The following TCF20 variants were observed in gnomAD, a reference collection of about 807,000 sequenced individuals.
TCF20 encodes the protein SPRE-binding protein.
In TCF20, 3 loss-of-function variants were observed where a neutral mutation model predicts 148.6. That is an observed-to-expected ratio of 0.02 (90% CI 0.01 to 0.05). The LOEUF (loss-of-function observed/expected upper bound fraction) is 0.05. TCF20 is among the 10% of genes least tolerant of loss of function. TCF20 has a pLI of 1.00. For missense variants in TCF20, 2,350 were observed against 2,429.3 expected, an observed-to-expected ratio of 0.97 and a Z score of 0.69; for synonymous variants, 1,049 against 909.5, an observed-to-expected ratio of 1.15 and a Z score of -2.76.
chr22:42,229,660 C>T (rs1923222322), intron 1 of TCF20, among the ~76,000 whole-genome samples: 1 of 152,180 alleles, frequency 6.6e-6, no homozygotes, highest in South Asian at 2.1e-4. Context: ...CCCACCACTC[C>T]ACACAGACCA....
chr22:42,321,669 G>A (rs2147049954), intron 1 of TCF20, among the ~76,000 whole-genome samples: 1 of 151,954 alleles, frequency 6.6e-6, no homozygotes, highest in East Asian at 1.9e-4. Flanking sequence ...GGACCAGGCT[G>A]GGCGCGGTGA....
intron 1 of TCF20, among the ~76,000 whole-genome samples, chr22:42,283,762 G>T (rs1314013432): frequency 6.6e-6 from 1 of 151,714 alleles, no homozygotes; most frequent in Non-Finnish European, 1.5e-5. Flanking sequence ...AGCACCCGGC[G>T]GGCACGCCTC....
chr22:42,203,534 G>A (rs1001796633), intron 2 of TCF20, among the ~76,000 whole-genome samples: 3 of 152,152 alleles, frequency 2.0e-5, no homozygotes, highest in Admixed American at 2.0e-4. Flanking sequence ...ACGAAATCCT[G>A]AAAGAAAATG....
intron 1 of TCF20, among the ~76,000 whole-genome samples, chr22:42,302,458 C>T (rs927696518): frequency 1.3e-5 from 2 of 152,210 alleles, no homozygotes; most frequent in Non-Finnish European, 2.9e-5. Context: ...CCACCCCACC[C>T]ACTGGCCTCC....
At chr22:42,173,161 G>A (rs562349093) in intron 3 of TCF20, among the ~76,000 whole-genome samples, 10 of 149,622 alleles carry the variant, frequency 6.7e-5, no homozygotes, top group Admixed American at 2.7e-4. Flanking sequence ...GGTTCTTTAC[G>A]CACAGTGGAA....
intron 3 of TCF20, among the ~76,000 whole-genome samples, chr22:42,173,439 G>A (rs534472596): frequency 5.9e-5 from 9 of 152,182 alleles, no homozygotes; most frequent in Admixed American, 4.6e-4. Flanking sequence ...CTATGGAGAT[G>A]TCCCAGTAAT....
intron 3 of TCF20, among the ~76,000 whole-genome samples, chr22:42,172,114 T>C (rs999688576): frequency 2.0e-5 from 3 of 152,248 alleles, no homozygotes; most frequent in African/African-American, 7.2e-5. Flanking sequence ...CCTGAGGCAG[T>C]GTCCATCTCT....
chr22:42,220,426 G>A (rs960422968), intron 1 of TCF20, among the ~76,000 whole-genome samples: 4 of 152,118 alleles, frequency 2.6e-5, no homozygotes, highest in Non-Finnish European at 5.9e-5. Flanking sequence ...TCAAACTCCT[G>A]GGCTCAAGCC....
In TCF20 at chr22:42,210,592, C is replaced by T; in HGVS notation, c.4714G>A (p.Asp1572Asn). The T allele has an allele frequency of 6.2e-7, 1 of 1,614,180 alleles. No individual in the cohort carries two copies. The highest frequency in any genetic ancestry group is 8.5e-7 in the Non-Finnish European group (1 of 1,180,040). ...QPPQIPEGSA[D>N]GEPKPKKQRQ... ...TGTTTTTTTGGCTTTGGCTCTCCAT[C>T]TGCAGAACCTTCTGGTATCTGTGGG... Residue 1572 changes from aspartate (D) to asparagine (N), a missense_variant, in exon 2 of 6, where the codon GAT becomes AAT. This residue lies in a region of TCF20 where 374 missense variants were observed against 398.3 expected (regional missense o/e 0.94). Coordinates refer to ENST00000677622, the MANE Select transcript of TCF20 (RefSeq NM_001378418.1). The surrounding 1 kb of genome is among the most constrained non-coding windows in gnomAD (Gnocchi z 4.7).
Position 42,207,822 on chromosome 22 carries a change from G to GAA in TCF20, c.5655+1827_5655+1828dup, listed in dbSNP as rs576226742. 2.0e-5 allele frequency among the ~76,000 whole-genome samples: 3 copies of GAA among 149,180 alleles called. No homozygotes were observed. The East Asian group carries it at 5.9e-4, about 29-fold the overall frequency. On this transcript the variant is annotated intron_variant, in intron 2 of 5. Coordinates refer to ENST00000677622, the MANE Select transcript of TCF20 (RefSeq NM_001378418.1). The stretch of plus-strand genomic sequence containing the variant: ...AAGAGCGAAACCCCATCTCAATAAA[G>GAA]AAAAAAAAATCAAGACATCTGAAGA...
At chr22:42,208,020 T>G (rs371318443) in intron 2 of TCF20, among the ~76,000 whole-genome samples, 36 of 152,160 alleles carry the variant, frequency 2.4e-4, no homozygotes, top group African/African-American at 8.7e-4. Context: ...AGTGAGATGC[T>G]GTCTCTACAA....
In TCF20 at chr22:42,299,302, A is replaced by T. The variant is rs925812760; in HGVS notation, c.-37+44177T>A. On this transcript the variant is annotated intron_variant, in intron 1 of 1. Transcript: ENST00000515426. This position sits in a 1 kb window ranked among gnomAD's most constrained non-coding sequence, Gnocchi z 4.1. ...TGTCTGGCTGGGGGTGCAGGAACTG[A>T]GGGTCCTTCCCAGCCCCTCTCCCCA... Among the ~76,000 whole-genome samples the T allele has an allele frequency of 2.0e-5, 3 of 152,044 alleles. No individual in the cohort carries two copies. The highest frequency in any genetic ancestry group is 4.4e-5 in the Non-Finnish European group (3 of 67,982).
chr22:42,310,661 T>C (rs964512429), intron 1 of TCF20, among the ~76,000 whole-genome samples: 3 of 149,706 alleles, frequency 2.0e-5, no homozygotes, highest in Non-Finnish European at 4.4e-5. Flanking sequence ...GGCAATGGAG[T>C]GCAAGGAGAC....
intron 1 of TCF20, among the ~76,000 whole-genome samples, chr22:42,337,734 T>C (rs1056597004): frequency 3.9e-5 from 6 of 152,376 alleles, no homozygotes; most frequent in Admixed American, 6.5e-5. Context: ...AGGGGTAGTT[T>C]CAGGCATTCT....
At chr22:42,194,794 A>C (rs933146915) in intron 2 of TCF20, among the ~76,000 whole-genome samples, 3 of 151,810 alleles carry the variant, frequency 2.0e-5, no homozygotes, top group East Asian at 2.0e-4. Context: ...CAAACCCCCC[A>C]AGTCACTCTA....
At chr22:42,324,856 G>T (rs1176736719) in intron 1 of TCF20, among the ~76,000 whole-genome samples, 1 of 152,264 alleles carries the variant, frequency 6.6e-6, no homozygotes, top group African/African-American at 2.4e-5. Context: ...TCTTGCAGGT[G>T]AGGACCCAGA....
upstream of TCF20, among the ~76,000 whole-genome samples, chr22:42,273,646 A>C (rs1269076172): frequency 3.3e-5 from 5 of 151,486 alleles, no homozygotes; most frequent in African/African-American, 9.7e-5. Flanking sequence ...AAAAAAAAAA[A>C]CAAACAAAAA....
intron 1 of TCF20, among the ~76,000 whole-genome samples, chr22:42,240,220 C>T (rs1403344003): frequency 2.0e-5 from 3 of 152,114 alleles, no homozygotes; most frequent in African/African-American, 7.2e-5. Flanking sequence ...ACATTGCAAA[C>T]AAGGGGCAGA....
intron 1 of TCF20, among the ~76,000 whole-genome samples, chr22:42,250,282 T>C (rs1925254784): frequency 6.6e-6 from 1 of 151,870 alleles, no homozygotes; most frequent in Non-Finnish European, 1.5e-5. Context: ...CTACAAAAAT[T>C]AATAATACAA....
Sources: gnomAD v4.1 joint callset for allele counts (sites outside exome capture counted in the v4.1 genomes callset) on GRCh38, gnomAD v4.1.1 for gene constraint, gnomAD v4.1.1 regional missense constraint, Gnocchi (gnomAD v3.1) non-coding constraint, MANE v1.5 for transcripts, NCBI Gene and HGNC (gene_info 2026-07-23, HGNC 2026-07-21) for gene names.